Variants in MOV10L1 observed in about 807,000 individuals in gnomAD.
MOV10L1 encodes Mov10 like RNA helicase 1, also known as RNA helicase Mov10l1.
In MOV10L1, 110 loss-of-function variants were observed where a neutral mutation model predicts 143.8. The observed-to-expected ratio is 0.76, with a 90% CI of 0.66 to 0.90. The LOEUF (loss-of-function observed/expected upper bound fraction) is 0.90, where lower values mean the gene tolerates loss of function less well. MOV10L1 is among the 40% of genes least tolerant of loss of function. The pLI is 0.00. For synonymous variants in MOV10L1, 593 were observed against 581.1 expected (o/e 1.02, Z -0.29); for missense variants, 1,406 against 1,526.8 (o/e 0.92, Z 1.32).
At position 50,126,193 on chromosome 22, in the gene MOV10L1, T is replaced by G; in HGVS notation, c.1748-9T>G. On this transcript the variant is annotated splice_polypyrimidine_tract_variant and intron_variant, in intron 11 of 26. Coordinates refer to ENST00000262794, the MANE Select transcript of MOV10L1 (RefSeq NM_018995.3). The stretch of plus-strand genomic sequence containing the variant: ...TAGCTTTAAACATGGTAATATATTT[T>G]TTAACTAGGTGATAAACTGATTTTA... 1 of 1,583,182 alleles carries G rather than the reference T, an allele frequency of 6.3e-7. No homozygotes were observed. Among genetic ancestry groups the G allele is most frequent in the Admixed American group, 1.7e-5 (1 of 59,828 alleles).
At chr22:50,136,181 A>G (rs6010185) in intron 15 of MOV10L1, among the ~76,000 whole-genome samples, 74 of 152,230 alleles carry the variant, frequency 4.9e-4, no homozygotes, top group African/African-American at 1.6e-3. Flanking sequence ...GCAAATAGAA[A>G]AGAGTCTTCC....
rs558423527 is a variant in MOV10L1, at chr22:50,145,371, G to A, written c.2506-318G>A. On this transcript the variant is annotated intron_variant, in intron 18 of 26. Transcript: ENST00000262794. ...TGGGAGGCAGAGGTTGCAGTGAGCC[G>A]AGATTGCACCATTGCACTCCAGCCT... 1.2e-4 allele frequency among the ~76,000 whole-genome samples: 18 copies of A among 152,270 alleles called. No homozygotes were observed. In the South Asian group the frequency reaches 2.1e-3, roughly 18 times the overall value.
chr22:50,157,039 G>A (rs946586204), intron 22 of MOV10L1, among the ~76,000 whole-genome samples: 8 of 152,150 alleles, frequency 5.3e-5, no homozygotes, highest in Non-Finnish European at 1.5e-5. Context: ...TTGTTTTATA[G>A]TAGCCATCTT....
chr22:50,119,119 C>G (rs543404281), intron 9 of MOV10L1, among the ~76,000 whole-genome samples: 1 of 152,254 alleles, frequency 6.6e-6, no homozygotes, highest in East Asian at 1.9e-4. Context: ...TTTGGCTTAA[C>G]AGAAAGAGTG....
chr22:50,112,040 C>T (rs1020647771), intron 5 of MOV10L1, among the ~76,000 whole-genome samples: 20 of 152,196 alleles, frequency 1.3e-4, no homozygotes, highest in African/African-American at 3.6e-4. Flanking sequence ...AGGTAGCAGC[C>T]GGAGGGTGGA....
At chr22:50,090,718 C>T (rs2062411816) in intron 1 of MOV10L1, 2 of 656,378 alleles carry the variant, frequency 3.0e-6, no homozygotes, top group Non-Finnish European at 5.2e-6. Flanking sequence ...CTCTTGTTGC[C>T]CAGGCTGGAG....
chr22:50,113,907 CTTTTCTTT>C lies in MOV10L1; in HGVS notation c.884+124_884+131del. ...CATTTATTTTTTTCTTTATGAAGAT[CTTTTCTTT>C]TTTTTTTTTTTTTTTTTTTTTGAGA... is the stretch of plus-strand genomic sequence containing the variant. On this transcript the variant is annotated intron_variant, in intron 6 of 26. Transcript: ENST00000262794. The C allele has an allele frequency of 5.1e-5, 23 of 451,112 alleles. No individual in the cohort carries two copies. In the Admixed American group the frequency reaches 6.1e-4, roughly 12 times the overall value. The allele number at this position is 451,112 out of a possible 1,614,324, so 27.9% of individuals were successfully genotyped here.
At position 50,113,635 on chromosome 22, in the gene MOV10L1, GC is replaced by G; in HGVS notation, c.744-12del. On this transcript the variant is annotated splice_polypyrimidine_tract_variant and intron_variant, in intron 5 of 26. Coordinates refer to ENST00000262794, the MANE Select transcript of MOV10L1 (RefSeq NM_018995.3). ...TGCTGCAGAGGGATGTCTTTCTGGG[GC>G]TCTTTTTTCAGAGACGCCGCCCCTG... 2 of 1,611,834 alleles carry G rather than the reference GC, an allele frequency of 1.2e-6. No homozygotes were observed. The highest frequency in any genetic ancestry group is 1.7e-6 in the Non-Finnish European group (2 of 1,179,060).
intron 14 of MOV10L1, 113 bp downstream of exon 14, chr22:50,134,178 T>C (rs1381722353): frequency 5.0e-6 from 4 of 794,392 alleles, no homozygotes; most frequent in South Asian, 2.3e-5. Flanking sequence ...AGTAAAACTT[T>C]TGTTATATTC....
chr22:50,113,866 C>T (rs572639226), intron 6 of MOV10L1, 78 bp downstream of exon 6: 1 of 1,258,290 alleles, frequency 7.9e-7, no homozygotes, highest in East Asian at 2.8e-5. Context: ...TTCTGTAAAA[C>T]CAACTTTACT....
chr22:50,133,543 T>G (rs1479451295), intron 13 of MOV10L1, among the ~76,000 whole-genome samples: 1 of 151,788 alleles, frequency 6.6e-6, no homozygotes, highest in Non-Finnish European at 1.5e-5. Context: ...TCTAGTGGTT[T>G]TTACAAAAAT....
rs566432457 is a variant in MOV10L1, at chr22:50,148,312, C to T, written c.2628-1303C>T. On this transcript the variant is annotated intron_variant, in intron 19 of 26. Transcript: ENST00000262794. Reference sequence around the variant, plus strand: ...GCTGGGGTGGGCGAGCCAGGGAAGCCGGGGCACCTGTTCCTCAGCTCATGG... The same window carrying T: ...GCTGGGGTGGGCGAGCCAGGGAAGCTGGGGCACCTGTTCCTCAGCTCATGG... Among the ~76,000 whole-genome samples the T allele has an allele frequency of 5.3e-5, 8 of 152,346 alleles. No individual in the cohort carries two copies. In the South Asian group the frequency reaches 1.0e-3, roughly 20 times the overall value.
intron 3 of MOV10L1, among the ~76,000 whole-genome samples, chr22:50,101,134 G>A (rs1397434671): frequency 6.6e-6 from 1 of 152,130 alleles, no homozygotes; most frequent in Admixed American, 6.5e-5. Flanking sequence ...TTAAGCTGGG[G>A]GGTGGGAGGT....
Position 50,153,050 on chromosome 22 carries a change from A to G in MOV10L1, c.2898A>G (p.Thr966=). Residue 966 remains threonine, a synonymous_variant, in exon 22 of 27, where the codon ACA becomes ACG. Coordinates refer to ENST00000262794, the MANE Select transcript of MOV10L1 (RefSeq NM_018995.3). ...CCATCACCATCTCCTCGCAGGTCAC[A>G]AAGCTGGTGAAGAACTACCGGTCCC... ...ACGAHNPLLV[T]KLVKNYRSHE... is the part of the protein sequence containing the mutation. The G allele has an allele frequency of 6.2e-7, 1 of 1,604,268 alleles. No homozygotes were observed. Among genetic ancestry groups the G allele is most frequent in the Non-Finnish European group, 8.5e-7 (1 of 1,172,964 alleles).
At chr22:50,113,884 T>C in intron 6 of MOV10L1, 96 bp downstream of exon 6, 1 of 1,160,576 alleles carries the variant, frequency 8.6e-7, no homozygotes, top group Non-Finnish European at 1.2e-6. Context: ...ACTTTGGTCA[T>C]TTATTTTTTT....
In MOV10L1 at chr22:50,160,695, C is replaced by A; in HGVS notation, c.3332C>A (p.Ser1111Ter). The part of the protein sequence containing the change: ...YLVIIISTVR[S>*]NEDRFEDDRY... The stretch of plus-strand genomic sequence containing the variant: ...ATCTCTGTGTGCTTTTAGGTACGGT[C>A]AAATGAAGATAGATTTGAAGATGAT... The change falls in exon 25 of 27, where the codon TCA (serine) becomes TAA (stop). Residue 1111 changes from serine to a stop codon, truncating the protein, a stop_gained. Transcript: ENST00000262794. LOFTEE classifies it high-confidence loss of function. 1.9e-6 allele frequency: 3 copies of A among 1,613,674 alleles called. No individual in the cohort carries two copies. The South Asian group carries it at 3.3e-5, about 18-fold the overall frequency.
Position 50,108,727 on chromosome 22 carries a change from T to G in MOV10L1, c.626T>G (p.Leu209Trp). The change falls in exon 5 of 27, where the codon TTG (leucine) becomes TGG (tryptophan). Residue 209 changes from leucine (L) to tryptophan (W), a missense_variant. Physicochemically the swap from Leu to Trp is moderately conservative, Grantham distance 61. This residue lies in a region of MOV10L1 where 1,233 missense variants were observed against 1,351.4 expected (regional missense o/e 0.91). Coordinates refer to ENST00000262794, the MANE Select transcript of MOV10L1 (RefSeq NM_018995.3). ...EESIFFTLDS[L>W]KLPDGYTPRR... Reference sequence around the variant, plus strand: ...AGCATCTTCTTTACCTTGGACTCCTTGAAACTGCCAGATGGGTACACACCC... The same window carrying G: ...AGCATCTTCTTTACCTTGGACTCCTGGAAACTGCCAGATGGGTACACACCC... The G allele has an allele frequency of 1.2e-6, 2 of 1,614,172 alleles. No individual in the cohort carries two copies.
chr22:50,143,259 CTGCTGT>C, intron 17 of MOV10L1, 38 bp downstream of exon 17: 1 of 1,599,102 alleles, frequency 6.3e-7, no homozygotes, highest in South Asian at 1.1e-5. Flanking sequence ...TGGCTCTGTG[CTGCTGT>C]TCATGTGTCG....
intron 3 of MOV10L1, among the ~76,000 whole-genome samples, chr22:50,100,277 G>A (rs2062705548): frequency 6.6e-6 from 1 of 151,988 alleles, no homozygotes; most frequent in African/African-American, 2.4e-5. Flanking sequence ...ACAGGCATGA[G>A]CCACCACACC....
Sources: gnomAD v4.1 joint callset for allele counts (sites outside exome capture counted in the v4.1 genomes callset) on GRCh38, gnomAD v4.1.1 for gene constraint, gnomAD v4.1.1 regional missense constraint, MANE v1.5 for transcripts, NCBI Gene and HGNC (gene_info 2026-07-23, HGNC 2026-07-21) for gene names.